Variants in SIL1 observed in about 807,000 individuals in gnomAD.
SIL1 encodes SIL1 nucleotide exchange factor.
In SIL1, 40 loss-of-function variants were observed where a neutral mutation model predicts 49.1. That is an observed-to-expected ratio of 0.81 (90% CI 0.63 to 1.06). SIL1 has a LOEUF of 1.06. SIL1 is among the 50% of genes least tolerant of loss of function. SIL1 has a pLI of 0.00. For missense variants in SIL1, 500 were observed against 572.6 expected (o/e 0.87, Z 1.29); for synonymous variants, 253 against 250.8 (o/e 1.01, Z -0.08).
intron 7 of SIL1, among the ~76,000 whole-genome samples, chr5:138,981,096 TTGAGAGGC>T (rs895678713): frequency 6.6e-6 from 1 of 151,720 alleles, no homozygotes; most frequent in African/African-American, 2.4e-5. Context: ...TCCCAGCTAC[TTGAGAGGC>T]TGAGAGGCTG....
At chr5:139,195,536 C>T (rs1228143798) in intron 1 of SIL1, among the ~76,000 whole-genome samples, 1 of 152,132 alleles carries the variant, frequency 6.6e-6, no homozygotes, top group Admixed American at 6.5e-5. Context: ...TACAGGCACC[C>T]ACCACCTCGC....
intron 1 of SIL1, among the ~76,000 whole-genome samples, chr5:139,158,822 T>G (rs1392345017): frequency 6.6e-6 from 1 of 152,252 alleles, no homozygotes; most frequent in African/African-American, 2.4e-5. Context: ...TAAGATATTC[T>G]GGCTCCAAAT....
chr5:139,157,115 A>G (rs1473645791), intron 1 of SIL1, among the ~76,000 whole-genome samples: 1 of 152,120 alleles, frequency 6.6e-6, no homozygotes, highest in Non-Finnish European at 1.5e-5. Context: ...CCTTTCTCCC[A>G]CCAACATCAC....
At chr5:139,061,210 G>A (rs1769580322) in intron 3 of SIL1, among the ~76,000 whole-genome samples, 2 of 152,230 alleles carry the variant, frequency 1.3e-5, no homozygotes, top group South Asian at 4.1e-4. Context: ...TGGACTCCCA[G>A]TGACAGGGCC....
chr5:139,181,044 G>T (rs757570601), intron 1 of SIL1, among the ~76,000 whole-genome samples: 1 of 152,140 alleles, frequency 6.6e-6, no homozygotes, highest in Admixed American at 6.6e-5. Flanking sequence ...CAAAACCTAT[G>T]CCAGCTGATT....
intron 1 of SIL1, among the ~76,000 whole-genome samples, chr5:139,197,255 C>T (rs546721288): frequency 4.3e-5 from 5 of 115,084 alleles, no homozygotes; most frequent in South Asian, 5.7e-4. Context: ...GAAACAAGAG[C>T]GAAACTCCGC....
chr5:139,077,090 T>C (rs11749944), intron 3 of SIL1, among the ~76,000 whole-genome samples: 67,789 of 151,960 alleles, frequency 0.45, 16,663 homozygotes, highest in African/African-American at 0.67. Flanking sequence ...GCCGAGACCA[T>C]ACCACTGCAC....
chr5:139,030,930 T>C (rs549534099), intron 5 of SIL1, among the ~76,000 whole-genome samples: 49 of 152,324 alleles, frequency 3.2e-4, no homozygotes, highest in African/African-American at 1.2e-3. Context: ...ATTTCAAGGA[T>C]CATGGAACAA....
At chr5:139,030,029 C>T (rs1402413351) in intron 5 of SIL1, among the ~76,000 whole-genome samples, 1 of 151,620 alleles carries the variant, frequency 6.6e-6, no homozygotes, top group Non-Finnish European at 1.5e-5. Flanking sequence ...TATCATACTT[C>T]TTTCTAACGA....
At chr5:139,010,424 C>G (rs1561827094) in intron 7 of SIL1, among the ~76,000 whole-genome samples, 2 of 151,542 alleles carry the variant, frequency 1.3e-5, no homozygotes, top group Admixed American at 6.6e-5. Context: ...TCCCATAGCT[C>G]AGAGTAATTT....
chr5:139,072,935 G>C (rs917510820), intron 3 of SIL1, among the ~76,000 whole-genome samples: 2 of 152,020 alleles, frequency 1.3e-5, no homozygotes, highest in Non-Finnish European at 2.9e-5. Flanking sequence ...CATACAAATG[G>C]CCAACAGGTA....
intron 7 of SIL1, among the ~76,000 whole-genome samples, chr5:138,995,907 T>C (rs1767860816): frequency 6.6e-6 from 1 of 152,244 alleles, no homozygotes; most frequent in African/African-American, 2.4e-5. Flanking sequence ...TTATTGTGTA[T>C]ATGTGCCACA....
intron 1 of SIL1, among the ~76,000 whole-genome samples, chr5:139,136,215 T>A (rs551318737): frequency 2.6e-5 from 4 of 152,338 alleles, no homozygotes; most frequent in Admixed American, 6.5e-5. Context: ...TTATTTGGAC[T>A]GCTAAAGACC....
intron 1 of SIL1, among the ~76,000 whole-genome samples, chr5:139,158,252 C>G (rs982583709): frequency 2.6e-5 from 4 of 152,146 alleles, no homozygotes; most frequent in Non-Finnish European, 5.9e-5. Flanking sequence ...CAAATGACAC[C>G]AAATGAATGG....
chr5:139,195,143 G>C (rs990430433), intron 1 of SIL1, among the ~76,000 whole-genome samples: 12 of 151,946 alleles, frequency 7.9e-5, no homozygotes, highest in African/African-American at 2.9e-4. Flanking sequence ...TGTTGGTCAG[G>C]CTGGTCTTGA....
chr5:139,173,377 C>G (rs1056333906), intron 1 of SIL1, among the ~76,000 whole-genome samples: 2 of 151,604 alleles, frequency 1.3e-5, no homozygotes, highest in African/African-American at 4.9e-5. Context: ...TGGTGAAACC[C>G]CATCTCTACT....
At chr5:139,121,213 G>A (rs756729272) in intron 2 of SIL1, 40 bp from the exon 3 acceptor site, 2 of 1,613,544 alleles carry the variant, frequency 1.2e-6, no homozygotes, top group Non-Finnish European at 1.7e-6. Flanking sequence ...ACTGCAACTA[G>A]GCGCCAGGTA....
intron 5 of SIL1, among the ~76,000 whole-genome samples, chr5:139,033,220 C>T (rs1053347281): frequency 6.6e-6 from 1 of 151,992 alleles, no homozygotes; most frequent in Non-Finnish European, 1.5e-5. Context: ...GTCTCGAACT[C>T]CTGACCTCAG....
At chr5:139,184,302 C>G (rs560676013) in intron 1 of SIL1, among the ~76,000 whole-genome samples, 2 of 152,236 alleles carry the variant, frequency 1.3e-5, no homozygotes, top group Admixed American at 6.5e-5. Flanking sequence ...TAGTCACAGC[C>G]CTACTCTGGC....
Sources: gnomAD v4.1 joint callset for allele counts (sites outside exome capture counted in the v4.1 genomes callset) on GRCh38, gnomAD v4.1.1 for gene constraint, MANE v1.5 for transcripts, NCBI Gene and HGNC (gene_info 2026-07-23, HGNC 2026-07-21) for gene names.